The following CCDC148 variants were observed in gnomAD, a reference collection of about 807,000 sequenced individuals.
CCDC148 encodes the protein coiled-coil domain containing 148, also known as coiled-coil domain-containing protein 148.
CCDC148 carries 89 observed loss-of-function variants against 85.7 expected under a neutral mutation model. The observed-to-expected ratio is 1.04, with a 90% CI of 0.87 to 1.24. CCDC148 has a LOEUF of 1.24. Ranked by LOEUF, CCDC148 falls within the 50% of genes most tolerant of loss-of-function variation. CCDC148 has a pLI of 0.00. For synonymous variants in CCDC148, 230 were observed against 213.9 expected (o/e 1.08, Z -0.66); for missense variants, 692 against 671.7 (o/e 1.03, Z -0.33).
chr2:158,225,482 C>T (rs1687459306), intron 10 of CCDC148, among the ~76,000 whole-genome samples: 1 of 152,126 alleles, frequency 6.6e-6, no homozygotes, highest in Non-Finnish European at 1.5e-5. Flanking sequence ...AACTCTCCAC[C>T]CCAAATCAAC....
intron 10 of CCDC148, among the ~76,000 whole-genome samples, chr2:158,245,313 T>C (rs1194372553): frequency 6.6e-6 from 1 of 152,148 alleles, no homozygotes; most frequent in Non-Finnish European, 1.5e-5. Flanking sequence ...ACCAAAGCCA[T>C]GTCTTTTGGT....
At chr2:158,218,335 A>G (rs1686997968) in intron 11 of CCDC148, among the ~76,000 whole-genome samples, 1 of 152,208 alleles carries the variant, frequency 6.6e-6, no homozygotes, top group African/African-American at 2.4e-5. Flanking sequence ...TATACAATTC[A>G]AAGAAGAGTC....
chr2:158,259,129 C>T (rs1689121205), intron 9 of CCDC148, among the ~76,000 whole-genome samples: 2 of 151,838 alleles, frequency 1.3e-5, no homozygotes, highest in African/African-American at 2.4e-5. Flanking sequence ...CTGCCCCACA[C>T]TCCCCTTTCT....
At chr2:158,299,953 A>G (rs1463499120) in intron 9 of CCDC148, among the ~76,000 whole-genome samples, 2 of 152,254 alleles carry the variant, frequency 1.3e-5, no homozygotes, top group East Asian at 3.8e-4. Context: ...TGACTGGGTC[A>G]TACAATCAGC....
At chr2:158,275,973 A>T (rs1689922090) in intron 9 of CCDC148, among the ~76,000 whole-genome samples, 1 of 150,710 alleles carries the variant, frequency 6.6e-6, no homozygotes, top group Non-Finnish European at 1.5e-5. Flanking sequence ...GAAAGGCTTT[A>T]AAAAATGTCT....
chr2:158,427,740 C>T (rs1403592375), intron 1 of CCDC148, among the ~76,000 whole-genome samples: 1 of 152,026 alleles, frequency 6.6e-6, no homozygotes, highest in African/African-American at 2.4e-5. Context: ...TGTGGTAGCA[C>T]ATGCCTATAA....
chr2:158,291,776 A>T (rs1279438698), intron 9 of CCDC148, among the ~76,000 whole-genome samples: 2 of 152,222 alleles, frequency 1.3e-5, no homozygotes, highest in Admixed American at 6.5e-5. Context: ...TGCCTGTCAT[A>T]ATGTCTGGCA....
intron 1 of CCDC148, among the ~76,000 whole-genome samples, chr2:158,412,826 TTTATTATTATTATTATTA>T (rs70994204): frequency 1.7e-4 from 24 of 138,914 alleles, no homozygotes; most frequent in African/African-American, 4.6e-4. Flanking sequence ...AATATAAGTA[TTTATTATTATTATTATTA>T]TTATTATTAT....
At chr2:158,246,301 G>A (rs1046835963) in intron 10 of CCDC148, among the ~76,000 whole-genome samples, 14 of 152,262 alleles carry the variant, frequency 9.2e-5, no homozygotes, top group African/African-American at 3.1e-4. Context: ...GCTGTTAAAC[G>A]CTGAAGAACC....
intron 1 of CCDC148, among the ~76,000 whole-genome samples, chr2:158,363,043 A>G (rs1010059229): frequency 3.3e-5 from 5 of 152,234 alleles, no homozygotes; most frequent in South Asian, 2.1e-4. Flanking sequence ...AAATACCTCT[A>G]TGCAAATGAA....
At chr2:158,331,774 C>G (rs1158817492) in intron 7 of CCDC148, among the ~76,000 whole-genome samples, 1 of 152,156 alleles carries the variant, frequency 6.6e-6, no homozygotes, top group Non-Finnish European at 1.5e-5. Context: ...CCTTCTTTGT[C>G]TCTTTTGATC....
intron 9 of CCDC148, among the ~76,000 whole-genome samples, chr2:158,251,904 T>TA (rs765716536): frequency 6.6e-6 from 1 of 151,712 alleles, no homozygotes; most frequent in African/African-American, 2.4e-5. Context: ...TCCTGGGATT[T>TA]AAAAAAATTA....
chr2:158,310,810 G>A (rs544855245), intron 8 of CCDC148, among the ~76,000 whole-genome samples: 1 of 150,232 alleles, frequency 6.7e-6, no homozygotes, highest in Admixed American at 6.6e-5. Flanking sequence ...AGGCGGCCAG[G>A]CAGAGACGCT....
At chr2:158,173,571 C>G (rs1410957078) in intron 13 of CCDC148, among the ~76,000 whole-genome samples, 2 of 151,990 alleles carry the variant, frequency 1.3e-5, no homozygotes, top group East Asian at 3.9e-4. Flanking sequence ...AATGTCTGAA[C>G]TTGGCTGGTA....
In CCDC148 at chr2:158,369,583, G is replaced by A. The variant is rs903192585; in HGVS notation, c.26-11013C>T. 4.6e-5 allele frequency among the ~76,000 whole-genome samples: 7 copies of A among 152,136 alleles called. 1 individual carries two copies. Among genetic ancestry groups the A allele is most frequent in the African/African-American group, 1.7e-4 (7 of 41,514 alleles). On this transcript the variant is annotated intron_variant, in intron 1 of 13. Transcript: ENST00000283233. Reference sequence around the variant, plus strand: ...AGAAGCTTTTGGGCTGAGACAATGGGGTTTTCTAGATATAGGATCATGTCA... The same window carrying A: ...AGAAGCTTTTGGGCTGAGACAATGGAGTTTTCTAGATATAGGATCATGTCA...
intron 9 of CCDC148, 50 bp downstream of exon 9, chr2:158,309,383 G>A (rs1403894882): frequency 6.8e-7 from 1 of 1,460,546 alleles, no homozygotes; most frequent in Admixed American, 2.0e-5. Flanking sequence ...AGGGAAAAAT[G>A]GATTCTTAAA....
Position 158,236,642 on chromosome 2 carries a change from A to G in CCDC148, c.1251+14130T>C, listed in dbSNP as rs529244603. On this transcript the variant is annotated intron_variant, in intron 10 of 13. Transcript: ENST00000283233. ...ATTTTTGCAATCATTTAATCAAAAC[A>G]CCTCATTTTACAACTAAGGAGGCAA... is the stretch of plus-strand genomic sequence containing the variant. Among the ~76,000 whole-genome samples the G allele has an allele frequency of 7.2e-5, 11 of 152,200 alleles. No homozygotes were observed. The East Asian group carries it at 2.1e-3, about 29-fold the overall frequency.
At chr2:158,267,431 T>C (rs1227756367) in intron 9 of CCDC148, among the ~76,000 whole-genome samples, 1 of 152,208 alleles carries the variant, frequency 6.6e-6, no homozygotes, top group Non-Finnish European at 1.5e-5. Flanking sequence ...CATGTACTTC[T>C]TACATAATTA....
At chr2:158,188,726 A>G (rs547280563) in intron 11 of CCDC148, among the ~76,000 whole-genome samples, 1 of 152,146 alleles carries the variant, frequency 6.6e-6, no homozygotes, top group South Asian at 2.1e-4. Context: ...CAACAAAAAT[A>G]AAAATTGACA....
Sources: gnomAD v4.1 joint callset for allele counts (sites outside exome capture counted in the v4.1 genomes callset) on GRCh38, gnomAD v4.1.1 for gene constraint, MANE v1.5 for transcripts, NCBI Gene and HGNC (gene_info 2026-07-23, HGNC 2026-07-21) for gene names.